The following ZSCAN20 variants were observed in gnomAD, a reference collection of about 807,000 sequenced individuals.
ZSCAN20 encodes the protein zinc finger and SCAN domain-containing protein 20.
A neutral mutation model predicts 97.1 loss-of-function variants in ZSCAN20; 39 were observed. That is an observed-to-expected ratio of 0.40 (90% confidence interval 0.31 to 0.52). The LOEUF (loss-of-function observed/expected upper bound fraction) is 0.52. Among genes scored for constraint, ZSCAN20 ranks in the 20% least tolerant of loss-of-function variants. The pLI is 0.49. For missense variants in ZSCAN20, 1,115 were observed against 1,290.4 expected (o/e 0.86, Z 2.08); for synonymous variants, 456 against 467.3 (o/e 0.98, Z 0.31).
In ZSCAN20 at chr1:33,495,303, T is replaced by C; in HGVS notation, c.2959T>C (p.Tyr987His). 3.7e-6 allele frequency: 6 copies of C among 1,612,734 alleles called. No homozygotes were observed. The highest frequency in any genetic ancestry group is 5.1e-6 in the Non-Finnish European group (6 of 1,179,236). The change falls in exon 8 of 8, where the codon TAT becomes CAT. Residue 987 changes from tyrosine to histidine, a missense_variant. By Grantham distance (83) the Tyr-to-His change is moderately conservative. Coordinates refer to ENST00000684572, the MANE Select transcript of ZSCAN20 (RefSeq NM_001377376.1). The stretch of plus-strand genomic sequence containing the variant: ...GAGGATTCATACGGGAGAGAAGCCG[T>C]ATAAGTGCAGAGAGTGTGGGAAATG... ...HQRIHTGEKP[Y>H]KCRECGKCFN...
chr1:33,485,160 A>G (rs1652309901), intron 2 of ZSCAN20, among the ~76,000 whole-genome samples: 1 of 152,146 alleles, frequency 6.6e-6, no homozygotes, highest in African/African-American at 2.4e-5. Context: ...GAAGGTTATT[A>G]ATTATTCAGT....
In ZSCAN20 at chr1:33,494,944, G is replaced by A. The variant is rs1235019158; in HGVS notation, c.2600G>A (p.Ser867Asn). 1 of 1,614,162 alleles carries A rather than the reference G, an allele frequency of 6.2e-7. No homozygotes were observed. Among genetic ancestry groups the A allele is most frequent in the East Asian group, 2.2e-5 (1 of 44,880 alleles). ...SKDLNSPGPH[S>N]TNSGEKLYEC... is the part of the protein sequence containing the mutation. ...GACTTGAATTCTCCTGGACCACACA[G>A]CACAAACTCAGGGGAGAAACTTTAT... The change falls in exon 8 of 8, where the codon AGC becomes AAC. Residue 867 changes from serine to asparagine, a missense_variant. This residue lies in a region of ZSCAN20 where 554 missense variants were observed against 584.9 expected (regional missense o/e 0.95). Transcript: ENST00000684572.
rs1308565836 is a variant in ZSCAN20 at position 33,500,229 on chromosome 1, A to G, written c.*4753A>G. On this transcript the variant is annotated 3_prime_UTR_variant, in exon 8 of 8. Transcript: ENST00000684572. ...GGGGGCAAAGGCAGGTTCCTTCCTT[A>G]CCTTATTGTTGCTTCCCCCACCCCA... Among the ~76,000 whole-genome samples, 1 of 151,894 alleles carries G rather than the reference A, an allele frequency of 6.6e-6. No individual in the cohort carries two copies. The highest frequency in any genetic ancestry group is 2.4e-5 in the African/African-American group (1 of 41,316).
At chr1:33,475,840 T>G (rs1570542846) in intron 1 of ZSCAN20, among the ~76,000 whole-genome samples, 1 of 115,136 alleles carries the variant, frequency 8.7e-6, no homozygotes, top group Non-Finnish European at 1.9e-5. Flanking sequence ...TTTTTTTTTT[T>G]TGTATTTTTA....
At chr1:33,483,451 T>C (rs751200731) in intron 2 of ZSCAN20, among the ~76,000 whole-genome samples, 1 of 152,136 alleles carries the variant, frequency 6.6e-6, no homozygotes, top group Non-Finnish European at 1.5e-5. Context: ...CTATAGTTTA[T>C]AGTAAATCTT....
intron 2 of ZSCAN20, among the ~76,000 whole-genome samples, chr1:33,481,961 G>A (rs1652172301): frequency 6.6e-6 from 1 of 152,022 alleles, no homozygotes; most frequent in Non-Finnish European, 1.5e-5. Context: ...ATCCCTCCCC[G>A]ACAAGCCTCC....
chr1:33,494,438 T>G lies in ZSCAN20; in HGVS notation c.2094T>G (p.Ile698Met). ...CTGAAGAGGACTTAGAAAAACTTAT[T>G]GACCATCAAGGCCTGTACCTTGCAG... ...SSSEEDLEKLIDHQGLYLAEK... is the reference protein window; with the variant it reads ...SSSEEDLEKLMDHQGLYLAEK... Residue 698 changes from isoleucine to methionine, a missense_variant, in exon 8 of 8, where the codon ATT (isoleucine) becomes ATG (methionine). By Grantham distance (10) the Ile-to-Met change is conservative (BLOSUM62 1). Transcript: ENST00000684572. The G allele has an allele frequency of 1.2e-6, 2 of 1,613,548 alleles. No individual in the cohort carries two copies. The highest frequency in any genetic ancestry group is 8.5e-7 in the Non-Finnish European group (1 of 1,179,682).
At chr1:33,484,394 G>A (rs1374350603) in intron 2 of ZSCAN20, among the ~76,000 whole-genome samples, 1 of 152,094 alleles carries the variant, frequency 6.6e-6, no homozygotes, top group Admixed American at 6.6e-5. Context: ...TTTTTATCAT[G>A]TGTGTTGGAT....
chr1:33,491,766 C>T lies in ZSCAN20; in HGVS notation c.1444+64C>T. ...CCCTCCTACCAGCTAGACTGCTATT[C>T]CCTGAGGTCAGGGCACAGGCTGCAA... On this transcript the variant is annotated intron_variant, in intron 6 of 7. Transcript: ENST00000684572. This position sits in a 1 kb window ranked among gnomAD's most constrained non-coding sequence, Gnocchi z 4.3. 1 of 1,487,252 alleles carries T rather than the reference C, an allele frequency of 6.7e-7. No individual in the cohort carries two copies. Among genetic ancestry groups the T allele is most frequent in the Non-Finnish European group, 9.0e-7 (1 of 1,109,062 alleles). The allele number at this position is 1,487,252 out of a possible 1,614,324, so 92.1% of individuals were successfully genotyped here. A position where few individuals can be genotyped will look rare whatever the true frequency, so the allele number is the denominator to read the frequency against.
chr1:33,487,841 G>T (rs1045640883), intron 2 of ZSCAN20, among the ~76,000 whole-genome samples: 5 of 151,912 alleles, frequency 3.3e-5, no homozygotes, highest in Non-Finnish European at 7.4e-5. Flanking sequence ...TTATAGAGGT[G>T]AGGGTCTGCT....
intron 1 of ZSCAN20, among the ~76,000 whole-genome samples, chr1:33,476,067 A>G (rs1168579195): frequency 6.6e-6 from 1 of 152,162 alleles, no homozygotes; most frequent in Non-Finnish European, 1.5e-5. Flanking sequence ...GGCTTCAGTG[A>G]GATTATGAAT....
At chr1:33,476,600 G>T (rs988974329) in intron 1 of ZSCAN20, among the ~76,000 whole-genome samples, 3 of 152,212 alleles carry the variant, frequency 2.0e-5, no homozygotes, top group Non-Finnish European at 4.4e-5. Context: ...GCTACTGGTA[G>T]ATCTGTAGCT....
chr1:33,483,853 A>G (rs1002022697), intron 2 of ZSCAN20, among the ~76,000 whole-genome samples: 2 of 152,174 alleles, frequency 1.3e-5, no homozygotes, highest in Non-Finnish European at 2.9e-5. Flanking sequence ...ATATTGTTCC[A>G]TTTATTTAGT....
intron 1 of ZSCAN20, among the ~76,000 whole-genome samples, chr1:33,478,035 T>C (rs1443834359): frequency 6.6e-6 from 1 of 152,040 alleles, no homozygotes; most frequent in East Asian, 1.9e-4. Context: ...TGGTGTAAGA[T>C]CTGGAAGCTG....
rs1652455031 is a variant in ZSCAN20, at chr1:33,488,480, A to G, written c.433A>G (p.Thr145Ala). The G allele has an allele frequency of 1.2e-6, 2 of 1,613,288 alleles. No individual in the cohort carries two copies. Among genetic ancestry groups the G allele is most frequent in the African/African-American group, 1.3e-5 (1 of 74,930 alleles). Residue 145 changes from threonine (T) to alanine (A), a missense_variant, in exon 3 of 8, where the codon ACA (threonine) becomes GCA (alanine). By Grantham distance (58) the Thr-to-Ala change is moderately conservative. Coordinates refer to ENST00000684572, the MANE Select transcript of ZSCAN20 (RefSeq NM_001377376.1). ...TAGQSGLELH[T>A]EETRPLKTGE... The stretch of plus-strand genomic sequence containing the variant: ...TTGTGTGTAGGGACTGGAATTGCAT[A>G]CAGAAGAGACCAGGCCCTTAAAGAC...
Position 33,493,148 on chromosome 1 carries a change from C to G in ZSCAN20, c.1445-39C>G, listed in dbSNP as rs1043135876. On this transcript the variant is annotated intron_variant, in intron 6 of 7. Transcript: ENST00000684572. The surrounding 1 kb of genome is among the most constrained non-coding windows in gnomAD (Gnocchi z 4.3). The stretch of plus-strand genomic sequence containing the variant: ...ATTCTCTGATGACCTAGGCACATCT[C>G]ATTAAGTCTCACAGTTCTCAACTCT... 5.0e-6 allele frequency: 8 copies of G among 1,593,562 alleles called. No homozygotes were observed. The highest frequency in any genetic ancestry group is 6.9e-6 in the Non-Finnish European group (8 of 1,164,678).
At chr1:33,482,685 T>C (rs1652199294) in intron 2 of ZSCAN20, among the ~76,000 whole-genome samples, 1 of 152,246 alleles carries the variant, frequency 6.6e-6, no homozygotes. Flanking sequence ...TTTGCATTTT[T>C]ACTAGCAATG....
Position 33,499,906 on chromosome 1 carries a change from C to G in ZSCAN20, c.*4430C>G, listed in dbSNP as rs539245554. Among the ~76,000 whole-genome samples the G allele has an allele frequency of 5.3e-5, 8 of 152,200 alleles. No homozygotes were observed. The East Asian group carries it at 1.5e-3, about 29-fold the overall frequency. On this transcript the variant is annotated 3_prime_UTR_variant, in exon 8 of 8. Transcript: ENST00000684572. ...GATCCCATCCTCCATTTGGGCATTG[C>G]TCAGCTCCCCCACCTGTTAATAGCA...
At chr1:33,478,819 G>T (rs1305981745) in intron 1 of ZSCAN20, among the ~76,000 whole-genome samples, 1 of 152,150 alleles carries the variant, frequency 6.6e-6, no homozygotes, top group Admixed American at 6.5e-5. Flanking sequence ...GATCATGGAG[G>T]TGTGGGATGC....
Sources: allele counts gnomAD v4.1 joint callset (sites outside exome capture counted in the v4.1 genomes callset), GRCh38; gene constraint gnomAD v4.1.1; regional missense constraint gnomAD v4.1.1; non-coding constraint Gnocchi (gnomAD v3.1); transcripts MANE v1.5; gene names NCBI Gene and HGNC (gene_info 2026-07-23, HGNC 2026-07-21).